Variants in HS6ST3 observed in about 807,000 individuals in gnomAD.
HS6ST3 encodes heparan-sulfate 6-O-sulfotransferase 3.
HS6ST3 carries 12 observed loss-of-function variants against 36.7 expected under a neutral mutation model. That is an observed-to-expected ratio of 0.33 (90% confidence interval 0.21 to 0.53). The LOEUF (loss-of-function observed/expected upper bound fraction) is 0.53, where lower values mean the gene tolerates loss of function less well. HS6ST3 is among the 20% of genes least tolerant of loss of function. The pLI is 0.95. For missense variants in HS6ST3, 584 were observed against 640.9 expected (o/e 0.91, Z 0.96); for synonymous variants, 240 against 257.5 (o/e 0.93, Z 0.65).
chr13:96,365,545 A>G (rs551664806), intron 1 of HS6ST3, among the ~76,000 whole-genome samples: 63 of 152,306 alleles, frequency 4.1e-4, no homozygotes, highest in Non-Finnish European at 8.4e-4. Flanking sequence ...AAGATTAATA[A>G]TAAGGAGTTT....
At chr13:96,700,167 A>G (rs1044319101) in intron 1 of HS6ST3, among the ~76,000 whole-genome samples, 2 of 152,230 alleles carry the variant, frequency 1.3e-5, no homozygotes, top group African/African-American at 2.4e-5. Context: ...AAAGAAAAAG[A>G]GATTTAATAG....
chr13:96,717,231 CAT>C (rs1875722237), intron 1 of HS6ST3, among the ~76,000 whole-genome samples: 2 of 152,166 alleles, frequency 1.3e-5, no homozygotes, highest in Admixed American at 6.5e-5. Flanking sequence ...TGTGGCAGAT[CAT>C]ATGATTCTGC....
chr13:96,613,810 G>A (rs1037415847), intron 1 of HS6ST3, among the ~76,000 whole-genome samples: 7 of 152,082 alleles, frequency 4.6e-5, no homozygotes, highest in African/African-American at 1.7e-4. Context: ...TAAAAAGAGG[G>A]CTTGTCTGTA....
At chr13:96,107,881 T>G (rs1364206249) in intron 1 of HS6ST3, among the ~76,000 whole-genome samples, 1 of 152,232 alleles carries the variant, frequency 6.6e-6, no homozygotes, top group Non-Finnish European at 1.5e-5. Flanking sequence ...TCCCATCATC[T>G]TCGTAAGCTG....
At position 96,703,711 on chromosome 13, in the gene HS6ST3, T is replaced by C. The variant is rs563171517; in HGVS notation, c.708-128779T>C. Among the ~76,000 whole-genome samples the C allele has an allele frequency of 2.0e-5, 3 of 152,328 alleles. No homozygotes were observed. The South Asian group carries it at 6.2e-4, about 32-fold the overall frequency. ...TTTAAAGGAGCTTGGCTTAAGCATG[T>C]TGATATTAGTCCTTACCCTCAAAAT... On this transcript the variant is annotated intron_variant, in intron 1 of 1. Coordinates refer to ENST00000376705, the MANE Select transcript of HS6ST3 (RefSeq NM_153456.4).
intron 1 of HS6ST3, among the ~76,000 whole-genome samples, chr13:96,767,827 T>C (rs1877153623): frequency 6.6e-6 from 1 of 152,150 alleles, no homozygotes; most frequent in Non-Finnish European, 1.5e-5. Context: ...GGGTAAGAAA[T>C]TGTACTCAGA....
At chr13:96,197,407 T>G (rs2054319672) in intron 1 of HS6ST3, among the ~76,000 whole-genome samples, 1 of 152,200 alleles carries the variant, frequency 6.6e-6, no homozygotes, top group African/African-American at 2.4e-5. Flanking sequence ...GTGGGAATTC[T>G]GGGAGCTACA....
At chr13:96,613,055 G>C (rs1336733277) in intron 1 of HS6ST3, among the ~76,000 whole-genome samples, 2 of 152,206 alleles carry the variant, frequency 1.3e-5, no homozygotes, top group Non-Finnish European at 2.9e-5. Context: ...CCCTTTATCA[G>C]AGAGACCACC....
chr13:96,776,064 A>G (rs1156795859), intron 1 of HS6ST3, among the ~76,000 whole-genome samples: 2 of 152,214 alleles, frequency 1.3e-5, no homozygotes, highest in Non-Finnish European at 2.9e-5. Context: ...CTACATGGAA[A>G]CTGAACAACC....
chr13:96,464,788 A>G (rs1188238591), intron 1 of HS6ST3, among the ~76,000 whole-genome samples: 1 of 152,154 alleles, frequency 6.6e-6, no homozygotes, highest in Non-Finnish European at 1.5e-5. Context: ...GCCATCAACC[A>G]TAACAGTTTT....
At chr13:96,471,401 A>G (rs2055839516) in intron 1 of HS6ST3, among the ~76,000 whole-genome samples, 1 of 152,104 alleles carries the variant, frequency 6.6e-6, no homozygotes, top group Non-Finnish European at 1.5e-5. Flanking sequence ...GGGAGCAGAG[A>G]CAAGTGGTAG....
chr13:96,220,149 GATGGTGAA>G (rs2054448357), intron 1 of HS6ST3, among the ~76,000 whole-genome samples: 2 of 152,204 alleles, frequency 1.3e-5, no homozygotes, highest in African/African-American at 4.8e-5. Context: ...TCCTTTATAA[GATGGTGAA>G]CACAGTGTCT....
intron 1 of HS6ST3, among the ~76,000 whole-genome samples, chr13:96,334,302 TGTG>T (rs1199916123): frequency 1.3e-5 from 2 of 152,106 alleles, no homozygotes; most frequent in Admixed American, 6.5e-5. Flanking sequence ...TCTTACACAA[TGTG>T]GTGTGTGGCA....
In HS6ST3 at chr13:96,657,705, A is replaced by G. The variant is rs536318623; in HGVS notation, c.708-174785A>G. Among the ~76,000 whole-genome samples, 3 of 152,236 alleles carry G rather than the reference A, an allele frequency of 2.0e-5. No individual in the cohort carries two copies. In the East Asian group the frequency reaches 5.8e-4, roughly 29 times the overall value. On this transcript the variant is annotated intron_variant, in intron 1 of 1. Coordinates refer to ENST00000376705, the MANE Select transcript of HS6ST3 (RefSeq NM_153456.4). The stretch of plus-strand genomic sequence containing the variant: ...CGGTGGACATGCTAATACCAGAAAT[A>G]CTCAATGAGATCCTACGGAACCTTA...
At chr13:96,654,646 G>C (rs886623610) in intron 1 of HS6ST3, among the ~76,000 whole-genome samples, 5 of 152,122 alleles carry the variant, frequency 3.3e-5, no homozygotes, top group Admixed American at 3.3e-4. Context: ...GTAGCGTGAT[G>C]CCTCCAGCTT....
chr13:96,551,781 C>A (rs1157574951), intron 1 of HS6ST3, among the ~76,000 whole-genome samples: 1 of 152,120 alleles, frequency 6.6e-6, no homozygotes, highest in African/African-American at 2.4e-5. Context: ...CACATCGCCA[C>A]CCGCCGGAGC....
intron 1 of HS6ST3, among the ~76,000 whole-genome samples, chr13:96,764,150 T>G (rs1278738015): frequency 6.6e-6 from 1 of 152,254 alleles, no homozygotes; most frequent in Non-Finnish European, 1.5e-5. Context: ...TAAAGCCTTT[T>G]CTATTGAGTA....
chr13:96,406,361 AC>A (rs1427590932), intron 1 of HS6ST3, among the ~76,000 whole-genome samples: 2 of 152,122 alleles, frequency 1.3e-5, no homozygotes, highest in African/African-American at 2.4e-5. Context: ...TACAACCATT[AC>A]CTATTTTTGT....
At chr13:96,474,610 A>G (rs1044967719) in intron 1 of HS6ST3, among the ~76,000 whole-genome samples, 1 of 152,192 alleles carries the variant, frequency 6.6e-6, no homozygotes, top group East Asian at 1.9e-4. Context: ...GTTTAATGTA[A>G]TACGTTAATA....
Sources: gnomAD v4.1 joint callset for allele counts (sites outside exome capture counted in the v4.1 genomes callset) on GRCh38, gnomAD v4.1.1 for gene constraint, MANE v1.5 for transcripts, NCBI Gene and HGNC (gene_info 2026-07-23, HGNC 2026-07-21) for gene names.